The following FNDC3A variants were observed in gnomAD, a reference collection of about 807,000 sequenced individuals.
FNDC3A encodes fibronectin type III domain containing 3A.
Under a neutral mutation model 148.9 loss-of-function variants are expected in FNDC3A, and 32 were observed. The observed-to-expected ratio is 0.21, with a 90% CI of 0.16 to 0.29. FNDC3A has a LOEUF of 0.29. Ranked by LOEUF, FNDC3A falls within the 10% of genes least tolerant of loss-of-function variation. FNDC3A has a pLI of 1.00. For synonymous variants in FNDC3A, 472 were observed against 473.6 expected (o/e 1.00, Z 0.04); for missense variants, 1,191 against 1,452.8 (o/e 0.82, Z 2.93).
intron 1 of FNDC3A, among the ~76,000 whole-genome samples, chr13:48,991,847 C>T (rs1684729196): frequency 6.6e-6 from 1 of 152,162 alleles, no homozygotes; most frequent in South Asian, 2.1e-4. Flanking sequence ...TTCACCTAAC[C>T]TACTGAACAT....
At chr13:49,014,678 C>T (rs1229462372) in intron 2 of FNDC3A, among the ~76,000 whole-genome samples, 3 of 144,794 alleles carry the variant, frequency 2.1e-5, no homozygotes, top group Non-Finnish European at 4.6e-5. Flanking sequence ...TTGCCCATGC[C>T]TATGTCCTGA....
intron 2 of FNDC3A, among the ~76,000 whole-genome samples, chr13:49,033,929 A>G (rs1281013010): frequency 6.6e-6 from 1 of 152,046 alleles, no homozygotes; most frequent in African/African-American, 2.4e-5. Context: ...TTGAAAAAAT[A>G]CTGTGATTTA....
chr13:49,132,834 T>C (rs1246487585), intron 5 of FNDC3A, among the ~76,000 whole-genome samples: 1 of 152,232 alleles, frequency 6.6e-6, no homozygotes, highest in Non-Finnish European at 1.5e-5. Context: ...ACCTTGTTAG[T>C]CTCTAGCACT....
chr13:49,104,141 G>A (rs536136467), intron 3 of FNDC3A, among the ~76,000 whole-genome samples: 3 of 152,324 alleles, frequency 2.0e-5, no homozygotes, highest in African/African-American at 7.2e-5. Flanking sequence ...ATGTTCATTG[G>A]ATTTGGTAAG....
At chr13:49,172,145 C>T (rs1456581875) in intron 11 of FNDC3A, 49 bp downstream of exon 11, 15 of 1,166,088 alleles carry the variant, frequency 1.3e-5, no homozygotes, top group Non-Finnish European at 1.9e-5. Context: ...TGCATATGTT[C>T]AGGCAAAATT....
intron 2 of FNDC3A, among the ~76,000 whole-genome samples, chr13:49,026,634 G>T (rs1322341441): frequency 6.6e-6 from 1 of 152,110 alleles, no homozygotes; most frequent in Admixed American, 6.5e-5. Context: ...CTCCTGAGTA[G>T]CTAGAACTAC....
intron 8 of FNDC3A, among the ~76,000 whole-genome samples, chr13:49,161,078 G>A (rs565977765): frequency 6.6e-6 from 1 of 152,308 alleles, no homozygotes; most frequent in Admixed American, 6.5e-5. Flanking sequence ...ATGTGGTGCT[G>A]AGAAGAATGT....
chr13:49,119,049 C>T (rs1440245851), intron 4 of FNDC3A, among the ~76,000 whole-genome samples: 1 of 152,222 alleles, frequency 6.6e-6, no homozygotes, highest in Non-Finnish European at 1.5e-5. Flanking sequence ...AACCCCCGTG[C>T]CTCCTGACTG....
chr13:49,145,977 A>G (rs1190587224), intron 8 of FNDC3A, 42 bp downstream of exon 8: 1 of 1,468,130 alleles, frequency 6.8e-7, no homozygotes, highest in South Asian at 1.2e-5. Flanking sequence ...GTGTAAATTA[A>G]TGGTTTATTA....
At chr13:49,202,405 C>T (rs1481303650) in intron 24 of FNDC3A, among the ~76,000 whole-genome samples, 2 of 152,150 alleles carry the variant, frequency 1.3e-5, no homozygotes, top group Non-Finnish European at 2.9e-5. Context: ...TAGTTTTACA[C>T]ACACATGTAC....
intron 2 of FNDC3A, among the ~76,000 whole-genome samples, chr13:49,019,603 C>A (rs947037042): frequency 6.6e-6 from 1 of 152,230 alleles, no homozygotes; most frequent in Non-Finnish European, 1.5e-5. Context: ...GGAGCTGTTC[C>A]TATTCGGCCA....
intron 2 of FNDC3A, among the ~76,000 whole-genome samples, chr13:49,035,532 A>G (rs1240961269): frequency 1.3e-5 from 2 of 152,204 alleles, no homozygotes; most frequent in East Asian, 3.9e-4. Context: ...ATGTAGAATA[A>G]TCTGACTCAA....
intron 3 of FNDC3A, among the ~76,000 whole-genome samples, chr13:49,077,742 C>T (rs1375734505): frequency 4.6e-5 from 7 of 152,050 alleles, no homozygotes; most frequent in Non-Finnish European, 1.0e-4. Flanking sequence ...ACATGTATAC[C>T]GATGTAACAA....
chr13:49,114,185 C>G (rs1220967348), intron 3 of FNDC3A, among the ~76,000 whole-genome samples: 3 of 152,038 alleles, frequency 2.0e-5, no homozygotes, highest in Admixed American at 6.6e-5. Context: ...TTCACTCTTG[C>G]TTTTTTATTT....
At chr13:48,980,276 A>G (rs901840103) in intron 1 of FNDC3A, among the ~76,000 whole-genome samples, 2 of 152,254 alleles carry the variant, frequency 1.3e-5, no homozygotes, top group East Asian at 1.9e-4. Context: ...CTGGTTTTAC[A>G]TTTTTAAAAA....
intron 3 of FNDC3A, among the ~76,000 whole-genome samples, chr13:49,080,220 G>A (rs986420411): frequency 1.7e-4 from 26 of 152,232 alleles, no homozygotes; most frequent in Admixed American, 1.3e-3. Context: ...GTCCTCTTCA[G>A]AATTTGATGT....
intron 14 of FNDC3A, among the ~76,000 whole-genome samples, chr13:49,183,543 C>G (rs924675188): frequency 1.8e-4 from 28 of 152,224 alleles, no homozygotes; most frequent in African/African-American, 6.5e-4. Context: ...AGGTGCTTTA[C>G]AGTAAAAGGA....
Position 49,208,868 on chromosome 13 carries a change from AAAG to A in FNDC3A, c.*1476_*1478del, listed in dbSNP as rs1437539415. 5 of 152,590 alleles carry A rather than the reference AAAG, an allele frequency of 3.3e-5. No individual in the cohort carries two copies. Among genetic ancestry groups the A allele is most frequent in the Non-Finnish European group, 7.4e-5 (5 of 68,022 alleles). 9.5% of individuals were successfully genotyped at this position (152,590 alleles called of 1,614,324 possible). On this transcript the variant is annotated 3_prime_UTR_variant, in exon 26 of 26. Transcript: ENST00000492622. ...TAAGCACTTCTGTCAGTCTTTGAAA[AAAG>A]AACGTATTTTTTGTGCTTTGAAGAT...
chr13:49,164,057 T>A (rs1437345310), intron 8 of FNDC3A, among the ~76,000 whole-genome samples: 1 of 152,226 alleles, frequency 6.6e-6, no homozygotes, highest in African/African-American at 2.4e-5. Context: ...GCATTTCTTA[T>A]AGAACTGCTG....
Sources: allele counts gnomAD v4.1 joint callset (sites outside exome capture counted in the v4.1 genomes callset), GRCh38; gene constraint gnomAD v4.1.1; transcripts MANE v1.5; gene names NCBI Gene and HGNC (gene_info 2026-07-23, HGNC 2026-07-21).